The following CDH11 variants were observed in gnomAD, a reference collection of about 807,000 sequenced individuals.
The protein encoded by CDH11 is cadherin-11.
A neutral mutation model predicts 67.8 loss-of-function variants in CDH11; 11 were observed. The ratio of observed to expected loss-of-function variants is 0.16; its 90% CI spans 0.10 to 0.27. The LOEUF is 0.27. Ranked by LOEUF, CDH11 falls within the 10% of genes least tolerant of loss-of-function variation. The pLI is 1.00. For synonymous variants in CDH11, 419 were observed against 400.0 expected (o/e 1.05, Z -0.57); for missense variants, 847 against 1,031.2 (o/e 0.82, Z 2.45).
intron 3 of CDH11, among the ~76,000 whole-genome samples, chr16:65,003,448 G>A (rs1053147393): frequency 1.3e-5 from 2 of 151,920 alleles, no homozygotes; most frequent in African/African-American, 4.8e-5. Context: ...GTAGAGACGG[G>A]GTTTCACCAT....
chr16:65,109,046 T>C (rs187739604), intron 1 of CDH11, among the ~76,000 whole-genome samples: 39 of 151,924 alleles, frequency 2.6e-4, no homozygotes, highest in African/African-American at 8.5e-4. Context: ...ACTTGGGAGG[T>C]TGAGGCAAGA....
rs200754621 is a variant in CDH11 at position 64,998,543 on chromosome 16, C to A, written c.523+19G>T. On this transcript the variant is annotated intron_variant, in intron 4 of 12. Coordinates refer to ENST00000268603, the MANE Select transcript of CDH11 (RefSeq NM_001797.4). ...ACACCAGGCCTGGAAGCAGAGCAGGCCTCCCACACCGTACGCACCCACATT... is the reference window on the plus strand; with the variant it reads ...ACACCAGGCCTGGAAGCAGAGCAGGACTCCCACACCGTACGCACCCACATT... 6.2e-6 allele frequency: 10 copies of A among 1,608,782 alleles called. No homozygotes were observed. The East Asian group carries it at 2.0e-4, about 32-fold the overall frequency.
In CDH11 at chr16:64,954,946, A is replaced by C. The variant is rs553288120; in HGVS notation, c.1643-3928T>G. ...TAGTAAAACCCTCTCTCTACTAAAA[A>C]ATAAAAAAAAAAAAAAAAGGCCAGG... On this transcript the variant is annotated intron_variant, in intron 11 of 12. Transcript: ENST00000268603. Among the ~76,000 whole-genome samples the C allele has an allele frequency of 1.7e-4, 14 of 83,402 alleles. No individual in the cohort carries two copies. The South Asian group carries it at 5.1e-3, about 30-fold the overall frequency. The allele number at this position is 83,402 out of a possible 152,430, so 54.7% of individuals were successfully genotyped here.
chr16:65,102,846 G>A (rs2142862221), intron 1 of CDH11, among the ~76,000 whole-genome samples: 1 of 152,322 alleles, frequency 6.6e-6, no homozygotes, highest in South Asian at 2.1e-4. Flanking sequence ...ACTCAGGACA[G>A]GAGCAATGGA....
intron 11 of CDH11, among the ~76,000 whole-genome samples, chr16:64,951,609 C>T (rs1303833564): frequency 6.6e-6 from 1 of 152,090 alleles, no homozygotes; most frequent in East Asian, 1.9e-4. Context: ...TATGTTAGCA[C>T]ACGAAATATT....
intron 1 of CDH11, among the ~76,000 whole-genome samples, chr16:65,056,498 T>C (rs8046028): frequency 0.019 from 2,919 of 152,328 alleles, 105 homozygotes; most frequent in African/African-American, 0.067. Context: ...AATGTTAGGA[T>C]GTCATGTAAC....
chr16:65,071,243 T>C (rs1292899879), intron 1 of CDH11, among the ~76,000 whole-genome samples: 2 of 152,098 alleles, frequency 1.3e-5, no homozygotes, highest in Admixed American at 6.5e-5. Context: ...TTCCATACAA[T>C]GCCACAGAAG....
rs957826065 is a variant in CDH11 at position 64,992,975 on chromosome 16, C to T, written c.583G>A (p.Ala195Thr). ...TCGAGGATACTGTACACTAACTTGG[C>T]GCTATTTCCATAAGTGGGGTCATCT... ...DADDPTYGNSAKLVYSILEGQ... is the reference protein window; with the variant it reads ...DADDPTYGNSTKLVYSILEGQ... Residue 195 changes from alanine to threonine, a missense_variant, in exon 5 of 13, where the codon GCC becomes ACC. Transcript: ENST00000268603. The T allele has an allele frequency of 3.1e-6, 5 of 1,611,346 alleles. No homozygotes were observed. Among genetic ancestry groups the T allele is most frequent in the Admixed American group, 3.3e-5 (2 of 60,010 alleles).
At chr16:65,060,013 C>T (rs1487900016) in intron 1 of CDH11, among the ~76,000 whole-genome samples, 1 of 152,132 alleles carries the variant, frequency 6.6e-6, no homozygotes, top group East Asian at 1.9e-4. Flanking sequence ...ACTAGAAGCT[C>T]CAGTTTTACG....
chr16:65,107,482 C>T (rs1203480067), intron 1 of CDH11, among the ~76,000 whole-genome samples: 2 of 152,150 alleles, frequency 1.3e-5, no homozygotes, highest in East Asian at 1.9e-4. Flanking sequence ...CAGGAGTACT[C>T]TCCCTGTGAA....
chr16:65,107,174 T>C (rs1247538016), intron 1 of CDH11, among the ~76,000 whole-genome samples: 2 of 152,238 alleles, frequency 1.3e-5, no homozygotes, highest in South Asian at 2.1e-4. Context: ...AACAGAGCAA[T>C]GAAGAACACG....
Position 64,944,125 on chromosome 16 carries a change from G to A in CDH11, c.*3478C>T, listed in dbSNP as rs2071155170. The A allele has an allele frequency of 4.3e-6, 1 of 232,590 alleles. No individual in the cohort carries two copies. Among genetic ancestry groups the A allele is most frequent in the East Asian group, 6.1e-5 (1 of 16,516 alleles). 14.4% of individuals were successfully genotyped at this position (232,590 alleles called of 1,614,324 possible). On this transcript the variant is annotated 3_prime_UTR_variant, in exon 13 of 13. Coordinates refer to ENST00000268603, the MANE Select transcript of CDH11 (RefSeq NM_001797.4). ...TGTTCATGTAAAGCAATAAAATAAA[G>A]GCATCAGAATTCATTTTAAGTCTTT...
At chr16:65,120,721 G>A (rs2142903791) in intron 1 of CDH11, among the ~76,000 whole-genome samples, 1 of 152,320 alleles carries the variant, frequency 6.6e-6, no homozygotes, top group Non-Finnish European at 1.5e-5. Flanking sequence ...AAAAGCAACA[G>A]GGCTTCTTCT....
chr16:65,016,147 A>G (rs868058811), intron 2 of CDH11, among the ~76,000 whole-genome samples: 2 of 152,188 alleles, frequency 1.3e-5, no homozygotes, highest in Non-Finnish European at 2.9e-5. Flanking sequence ...ACATTTTTAA[A>G]TGGCTTTTTC....
At chr16:65,044,801 G>A (rs1332503846) in intron 2 of CDH11, among the ~76,000 whole-genome samples, 1 of 152,124 alleles carries the variant, frequency 6.6e-6, no homozygotes, top group African/African-American at 2.4e-5. Flanking sequence ...CCAGGCAAAG[G>A]ACTTAGCAAT....
At chr16:65,106,633 G>A (rs1270512035) in intron 1 of CDH11, among the ~76,000 whole-genome samples, 2 of 152,104 alleles carry the variant, frequency 1.3e-5, no homozygotes, top group Non-Finnish European at 2.9e-5. Context: ...ACCTATTGAT[G>A]GACAAAAACT....
At position 64,948,578 on chromosome 16, in the gene CDH11, G is replaced by T. The variant is rs780031264; in HGVS notation, c.1895-479C>A. 5.3e-6 allele frequency: 8 copies of T among 1,519,904 alleles called. No homozygotes were observed. The East Asian group carries it at 1.2e-4, about 22-fold the overall frequency. 94.2% of individuals were successfully genotyped at this position (1,519,904 alleles called of 1,614,324 possible). A position where few individuals can be genotyped will look rare whatever the true frequency, so the allele number is the denominator to read the frequency against. On this transcript the variant is annotated intron_variant, in intron 12 of 12. Transcript: ENST00000268603. ...CTGCCAATGTCTGAGAAAGAGTATT[G>T]GTCCTATACTAACTTAATGGGAAGT...
At chr16:65,008,420 A>G (rs1227034104) in intron 2 of CDH11, among the ~76,000 whole-genome samples, 2 of 152,224 alleles carry the variant, frequency 1.3e-5, no homozygotes, top group African/African-American at 2.4e-5. Context: ...AGGTATGTAT[A>G]AGACTGATTT....
chr16:65,115,304 T>G (rs2075223559), intron 1 of CDH11, among the ~76,000 whole-genome samples: 1 of 152,154 alleles, frequency 6.6e-6, no homozygotes, highest in African/African-American at 2.4e-5. Context: ...GATGGATCAC[T>G]TAAATTTACG....
Sources: allele counts gnomAD v4.1 joint callset (sites outside exome capture counted in the v4.1 genomes callset), GRCh38; gene constraint gnomAD v4.1.1; transcripts MANE v1.5; gene names NCBI Gene and HGNC (gene_info 2026-07-23, HGNC 2026-07-21).